The following WNK1 variants were observed in gnomAD, a reference collection of about 807,000 sequenced individuals.
WNK1 encodes serine/threonine-protein kinase WNK1.
In WNK1, 38 loss-of-function variants were observed where a neutral mutation model predicts 222.8. That is an observed-to-expected ratio of 0.17 (90% confidence interval 0.13 to 0.22). The LOEUF (loss-of-function observed/expected upper bound fraction) is 0.22, where lower values mean the gene tolerates loss of function less well. Ranked by LOEUF, WNK1 falls within the 10% of genes least tolerant of loss-of-function variation. WNK1 has a pLI of 1.00. For synonymous variants in WNK1, 1,090 were observed against 1,092.9 expected (o/e 1.00, Z 0.05); for missense variants, 2,348 against 2,918.4 (o/e 0.80, Z 4.50).
intron 1 of WNK1, among the ~76,000 whole-genome samples, chr12:777,722 T>G (rs1456760256): frequency 6.6e-6 from 1 of 152,150 alleles, no homozygotes; most frequent in Non-Finnish European, 1.5e-5. Flanking sequence ...GTAAATAGTA[T>G]CTATTAAAAT....
Position 881,844 on chromosome 12 carries a change from G to A in WNK1, c.3209+55G>A, listed in dbSNP as rs1301402863. 1.4e-5 allele frequency: 22 copies of A among 1,613,202 alleles called. No homozygotes were observed. The African/African-American group carries it at 1.5e-4, about 11-fold the overall frequency. On this transcript the variant is annotated intron_variant, in intron 13 of 27. Coordinates refer to ENST00000315939, the MANE Select transcript of WNK1 (RefSeq NM_018979.4). ...ACTGGTAAATAAGACGGTATGAAAC[G>A]CCAAACTGTCAGACCTTTAAATCTC...
chr12:901,240 T>C (rs966075290), intron 26 of WNK1, among the ~76,000 whole-genome samples: 4 of 152,154 alleles, frequency 2.6e-5, no homozygotes, highest in African/African-American at 7.2e-5. Flanking sequence ...GAAAAAAATA[T>C]AGGTACTGGC....
chr12:812,128 T>A (rs910899218), intron 1 of WNK1, among the ~76,000 whole-genome samples: 1 of 152,176 alleles, frequency 6.6e-6, no homozygotes, highest in Non-Finnish European at 1.5e-5. Flanking sequence ...TACAATAAGC[T>A]TTTACAAACC....
chr12:871,466 T>C, intron 9 of WNK1, 118 bp downstream of exon 9: 1 of 927,810 alleles, frequency 1.1e-6, no homozygotes, highest in Non-Finnish European at 1.7e-6. Flanking sequence ...TTAAGAGGCA[T>C]ACCATGTCTT....
chr12:866,650 G>A (rs933076124), intron 8 of WNK1, among the ~76,000 whole-genome samples: 14 of 152,120 alleles, frequency 9.2e-5, no homozygotes, highest in Admixed American at 6.5e-5. Flanking sequence ...GTGAGCCACC[G>A]CGCCCAGCGG....
intron 22 of WNK1, among the ~76,000 whole-genome samples, 153 bp downstream of exon 22, chr12:890,666 A>G (rs1357821716): frequency 6.6e-6 from 1 of 152,240 alleles, no homozygotes; most frequent in Admixed American, 6.5e-5. Flanking sequence ...TAGCAAATTA[A>G]TAAATCTGTT....
chr12:798,012 G>A (rs1301693657), intron 1 of WNK1, among the ~76,000 whole-genome samples: 1 of 151,380 alleles, frequency 6.6e-6, no homozygotes, highest in Non-Finnish European at 1.5e-5. Flanking sequence ...GTGAAGATGA[G>A]TAATATTAAT....
At chr12:794,045 T>G (rs142588564) in intron 1 of WNK1, among the ~76,000 whole-genome samples, 348 of 152,308 alleles carry the variant, frequency 2.3e-3, no homozygotes, top group South Asian at 3.7e-3. Context: ...CTTTTTTCAC[T>G]CAGTGTAATG....
chr12:878,684 C>T (rs1056322330), intron 10 of WNK1, among the ~76,000 whole-genome samples: 1 of 151,902 alleles, frequency 6.6e-6, no homozygotes, highest in Non-Finnish European at 1.5e-5. Flanking sequence ...GTAACTGAAC[C>T]TATGACATTC....
intron 9 of WNK1, among the ~76,000 whole-genome samples, chr12:873,610 T>C (rs1952353214): frequency 6.6e-6 from 1 of 152,206 alleles, no homozygotes; most frequent in Non-Finnish European, 1.5e-5. Flanking sequence ...AATAGTATTG[T>C]TTCTTCCATT....
chr12:763,049 A>G (rs1249537300), intron 1 of WNK1, among the ~76,000 whole-genome samples: 1 of 146,410 alleles, frequency 6.8e-6, no homozygotes. Context: ...CCTGGTCCGT[A>G]TTTTTATCTT....
At chr12:867,764 G>A (rs1029143762) in intron 8 of WNK1, 7 of 1,254,560 alleles carry the variant, frequency 5.6e-6, no homozygotes, top group Non-Finnish European at 8.0e-6. Flanking sequence ...TAAATTTAGT[G>A]TAACCATTTC....
chr12:792,407 G>C (rs1298353848), intron 1 of WNK1, among the ~76,000 whole-genome samples: 1 of 144,112 alleles, frequency 6.9e-6, no homozygotes, highest in African/African-American at 2.6e-5. Flanking sequence ...CCGCTTCCCA[G>C]CCTCAAGTGA....
intron 1 of WNK1, among the ~76,000 whole-genome samples, chr12:788,136 C>G (rs761837654): frequency 1.5e-4 from 23 of 152,104 alleles, no homozygotes; most frequent in African/African-American, 4.6e-4. Context: ...TGAGGGTAGT[C>G]TCCTTTACAT....
chr12:797,110 G>A (rs73023541), intron 1 of WNK1, among the ~76,000 whole-genome samples: 3 of 152,016 alleles, frequency 2.0e-5, no homozygotes, highest in Non-Finnish European at 4.4e-5. Flanking sequence ...TCTTCTTTTT[G>A]CATTCCTATT....
At chr12:767,795 T>G (rs567487343) in intron 1 of WNK1, among the ~76,000 whole-genome samples, 1 of 151,860 alleles carries the variant, frequency 6.6e-6, no homozygotes, top group South Asian at 2.1e-4. Flanking sequence ...ACCAGAAGAG[T>G]TTTTGGCTTT....
intron 4 of WNK1, among the ~76,000 whole-genome samples, chr12:852,576 G>C (rs1950497046): frequency 6.6e-6 from 1 of 152,114 alleles, no homozygotes; most frequent in Non-Finnish European, 1.5e-5. Flanking sequence ...ACAAACTCTA[G>C]TTTTGTTCTG....
At chr12:875,175 T>G (rs1009028989) in intron 9 of WNK1, among the ~76,000 whole-genome samples, 1 of 152,150 alleles carries the variant, frequency 6.6e-6, no homozygotes, top group African/African-American at 2.4e-5. Flanking sequence ...AGTCTAAATT[T>G]TGATATGAGC....
At position 900,491 on chromosome 12, in the gene WNK1, A is replaced by C. The variant is rs1259533809; in HGVS notation, c.6464A>C (p.Gln2155Pro). ...SPQLSGNLSGQSAASVLHPQQ... is the reference protein window; with the variant it reads ...SPQLSGNLSGPSAASVLHPQQ... ...CTTTTGGCAGGTAACCTGTCTGGTC[A>C]GAGTGCAGCTTCAGTCTTGCACCCC... The change falls in exon 26 of 28, where the codon CAG becomes CCG. Residue 2155 changes from glutamine to proline, a missense_variant. Around this residue, in one of 13 missense-constraint regions of WNK1, gnomAD observed 1,144 missense variants for 1,273.6 expected, o/e 0.90. Coordinates refer to ENST00000315939, the MANE Select transcript of WNK1 (RefSeq NM_018979.4). The C allele has an allele frequency of 6.2e-7, 1 of 1,614,206 alleles. No homozygotes were observed. Among genetic ancestry groups the C allele is most frequent in the African/African-American group, 1.3e-5 (1 of 75,048 alleles).
Sources: gnomAD v4.1 joint callset for allele counts (sites outside exome capture counted in the v4.1 genomes callset) on GRCh38, gnomAD v4.1.1 for gene constraint, gnomAD v4.1.1 regional missense constraint, MANE v1.5 for transcripts, NCBI Gene and HGNC (gene_info 2026-07-23, HGNC 2026-07-21) for gene names.